STAU1: variants seen among roughly 807,000 people sequenced by gnomAD.
STAU1 encodes staufen double-stranded RNA binding protein 1.
In STAU1, 13 loss-of-function variants were observed where a neutral mutation model predicts 62.9. The ratio of observed to expected loss-of-function variants is 0.21; its 90% CI spans 0.13 to 0.33. STAU1 has a LOEUF of 0.33. Among genes scored for constraint, STAU1 ranks in the 10% least tolerant of loss-of-function variants. STAU1 has a pLI of 1.00. For missense variants in STAU1, 571 were observed against 712.1 expected (o/e 0.80, Z 2.25); for synonymous variants, 269 against 265.1 (o/e 1.01, Z -0.14).
chr20:49,210,515 G>A, the STAU1 span: 2 of 455,714 alleles, frequency 4.4e-6, no homozygotes, highest in Non-Finnish European at 4.4e-6. Context: ...AGTGGTGGGG[G>A]AAAATTCTAC....
At chr20:49,173,333 T>C (rs534124033) in intron 2 of STAU1, among the ~76,000 whole-genome samples, 26 of 152,050 alleles carry the variant, frequency 1.7e-4, no homozygotes, top group Non-Finnish European at 3.1e-4. Context: ...GGCACACGCC[T>C]GTAATCCCAG....
In STAU1 at chr20:49,142,063, G is replaced by C. The variant is rs190738571; in HGVS notation, c.511-6132C>G. On this transcript the variant is annotated intron_variant, in intron 5 of 13. Transcript: ENST00000371856. Reference sequence around the variant, plus strand: ...ACATAATAAGACCTCATCTCAACAAGAACAACAACAACAACAAATATTTAT... The same window carrying C: ...ACATAATAAGACCTCATCTCAACAACAACAACAACAACAACAAATATTTAT... Among the ~76,000 whole-genome samples, 2 of 150,370 alleles carry C rather than the reference G, an allele frequency of 1.3e-5. 1 individual carries two copies. The highest frequency in any genetic ancestry group is 1.3e-4 in the Admixed American group (2 of 15,118).
At chr20:49,177,228 A>G (rs1433902034) in intron 1 of STAU1, among the ~76,000 whole-genome samples, 1 of 149,956 alleles carries the variant, frequency 6.7e-6, no homozygotes, top group East Asian at 2.1e-4. Context: ...TCAGTTTTCT[A>G]GCCCAAAGCA....
At chr20:49,125,214 A>AAAAAC (rs1555836535) in intron 6 of STAU1, among the ~76,000 whole-genome samples, 1 of 146,054 alleles carries the variant, frequency 6.8e-6, no homozygotes, top group African/African-American at 2.5e-5. Context: ...AAAAAAAAAA[A>AAAAAC]AAAAAAAAAA....
rs772283146 is a variant in STAU1, at chr20:49,124,436, G to C, written c.761C>G (p.Pro254Arg). ...AVLEELKKLP[P>R]LPAVERVKPR... is the part of the protein sequence containing the mutation. ...CTTTACTCGTTCAACTGCAGGCAGG[G>C]GCGGTAACTTCTTCAGCTCCTCAAG... Residue 254 changes from proline to arginine, a missense_variant, in exon 7 of 14, where the codon CCC becomes CGC. This residue lies in a region of STAU1 where 414 missense variants were observed against 499.6 expected (regional missense o/e 0.83). Transcript: ENST00000371856. 1 of 1,614,128 alleles carries C rather than the reference G, an allele frequency of 6.2e-7. No homozygotes were observed. Among genetic ancestry groups the C allele is most frequent in the Non-Finnish European group, 8.5e-7 (1 of 1,180,018 alleles).
chr20:49,161,163 TA>T (rs879681419), intron 3 of STAU1, among the ~76,000 whole-genome samples: 87 of 138,276 alleles, frequency 6.3e-4, no homozygotes, highest in Non-Finnish European at 7.1e-4. Flanking sequence ...CACAAAGAAT[TA>T]AAAAAAAAAA....
chr20:49,160,512 A>G (rs1172492420), intron 3 of STAU1, among the ~76,000 whole-genome samples: 2 of 152,210 alleles, frequency 1.3e-5, no homozygotes, highest in Non-Finnish European at 2.9e-5. Context: ...GATGGTTGGG[A>G]AAAAAGTTAA....
chr20:49,150,725 T>G (rs923385853), intron 5 of STAU1, among the ~76,000 whole-genome samples: 1 of 152,150 alleles, frequency 6.6e-6, no homozygotes, highest in African/African-American at 2.4e-5. Context: ...GCTCCATGAC[T>G]GCTTGACCTG....
At chr20:49,176,204 C>T (rs1396918830) in intron 1 of STAU1, among the ~76,000 whole-genome samples, 3 of 152,102 alleles carry the variant, frequency 2.0e-5, no homozygotes, top group Non-Finnish European at 4.4e-5. Flanking sequence ...TCGTAAATGT[C>T]GTTGGCATAT....
At chr20:49,206,515 C>G in the STAU1 span, among the ~76,000 whole-genome samples, 1 of 131,478 alleles carries the variant, frequency 7.6e-6, no homozygotes, top group Non-Finnish European at 1.6e-5. Flanking sequence ...GGCCATCTTC[C>G]GTTTTTTTTT....
intron 5 of STAU1, among the ~76,000 whole-genome samples, chr20:49,138,878 T>G (rs928880593): frequency 6.6e-6 from 1 of 152,114 alleles, no homozygotes; most frequent in African/African-American, 2.4e-5. Flanking sequence ...ACTGGCAATT[T>G]GCAAGCAAGG....
chr20:49,184,134 C>G (rs1158419667), intron 1 of STAU1, among the ~76,000 whole-genome samples: 1 of 151,982 alleles, frequency 6.6e-6, no homozygotes, highest in African/African-American at 2.4e-5. Flanking sequence ...TTTCGCCATG[C>G]TGGCCAGGCT....
At chr20:49,130,090 A>AATAG (rs34631472) in intron 6 of STAU1, among the ~76,000 whole-genome samples, 59,833 of 151,796 alleles carry the variant, frequency 0.39, 11,768 homozygotes, top group Middle Eastern at 0.48. Flanking sequence ...TCAACTGGTA[A>AATAG]ATAGATACAC....
chr20:49,125,780 G>A (rs913727545), intron 6 of STAU1, among the ~76,000 whole-genome samples: 3 of 151,882 alleles, frequency 2.0e-5, no homozygotes, highest in Admixed American at 2.0e-4. Context: ...CCTGGGAGGC[G>A]GAGCTTGCAG....
chr20:49,118,636 T>C (rs2092389480), intron 9 of STAU1, among the ~76,000 whole-genome samples: 1 of 152,130 alleles, frequency 6.6e-6, no homozygotes. Flanking sequence ...AAAGAGCATC[T>C]AACAAAGTGC....
chr20:49,187,582 T>C lies in STAU1; in HGVS notation c.-160+534A>G, dbSNP rs568516505. 3.6e-3 allele frequency among the ~76,000 whole-genome samples: 547 copies of C among 152,206 alleles called. 3 individuals are homozygous for C. Among genetic ancestry groups the C allele is most frequent in the African/African-American group, 0.013 (529 of 41,544 alleles). Reference sequence around the variant, plus strand: ...TTACACGCCCCATTTCACTGAACCTTAAGAGGCAGGGACGGTATTAGCAGC... The same window carrying C: ...TTACACGCCCCATTTCACTGAACCTCAAGAGGCAGGGACGGTATTAGCAGC... On this transcript the variant is annotated intron_variant, in intron 1 of 13. Transcript: ENST00000371856.
At chr20:49,181,800 A>T (rs1328207179) in intron 1 of STAU1, among the ~76,000 whole-genome samples, 1 of 145,370 alleles carries the variant, frequency 6.9e-6, no homozygotes, top group Non-Finnish European at 1.5e-5. Flanking sequence ...AAAAAAAAGC[A>T]GAGGCAATCT....
chr20:49,114,848 A>C lies in STAU1; in HGVS notation c.*30T>G. The C allele has an allele frequency of 6.2e-7, 1 of 1,611,866 alleles. No individual in the cohort carries two copies. The highest frequency in any genetic ancestry group is 8.5e-7 in the Non-Finnish European group (1 of 1,178,532). ...CAGTATTTTCAGTATATATGTTGGG[A>C]TTTTATAATGGTTCATGGCCAGAAA... On this transcript the variant is annotated 3_prime_UTR_variant, in exon 14 of 14. Coordinates refer to ENST00000371856, the MANE Select transcript of STAU1 (RefSeq NM_017453.4).
intron 7 of STAU1, among the ~76,000 whole-genome samples, chr20:49,124,109 A>G (rs2092534245): frequency 6.6e-6 from 1 of 152,172 alleles, no homozygotes; most frequent in Non-Finnish European, 1.5e-5. Flanking sequence ...TTCCTGCCCA[A>G]TACCCCACTG....
Sources: gnomAD v4.1 joint callset for allele counts (sites outside exome capture counted in the v4.1 genomes callset) on GRCh38, gnomAD v4.1.1 for gene constraint, gnomAD v4.1.1 regional missense constraint, MANE v1.5 for transcripts, NCBI Gene and HGNC (gene_info 2026-07-23, HGNC 2026-07-21) for gene names.